The following PTPRD variants were observed in gnomAD, a reference collection of about 807,000 sequenced individuals.
PTPRD encodes protein tyrosine phosphatase receptor type D, also known as receptor-type tyrosine-protein phosphatase delta.
A neutral mutation model predicts 214.5 loss-of-function variants in PTPRD; 34 were observed. The ratio of observed to expected loss-of-function variants is 0.16; its 90% CI spans 0.12 to 0.21. The LOEUF (loss-of-function observed/expected upper bound fraction) is 0.21. Ranked by LOEUF, PTPRD falls within the 10% of genes least tolerant of loss-of-function variation. PTPRD has a pLI of 1.00. For synonymous variants in PTPRD, 1,128 were observed against 845.7 expected, an observed-to-expected ratio of 1.33 and a Z score of -5.79; for missense variants, 2,545 against 2,398.7, an observed-to-expected ratio of 1.06 and a Z score of -1.27.
intron 11 of PTPRD, among the ~76,000 whole-genome samples, chr9:8,865,302 A>T (rs2098177052): frequency 6.6e-6 from 1 of 152,206 alleles, no homozygotes; most frequent in Admixed American, 6.6e-5. Flanking sequence ...CTTGGTGTAC[A>T]TACTCAATGT....
intron 39 of PTPRD, among the ~76,000 whole-genome samples, chr9:8,367,133 C>T (rs571260241): frequency 6.6e-6 from 1 of 152,170 alleles, no homozygotes; most frequent in South Asian, 2.1e-4. Flanking sequence ...AAGTAATGAG[C>T]CTAGTTCTCT....
In PTPRD at chr9:8,314,361, A is replaced by C. The variant is rs1324964141; in HGVS notation, c.*3513T>G. ...CACCAATGTAACGAAGTAAGAAAAT[A>C]AAAAGCACGCCTTTCATTCTGTAAA... On this transcript the variant is annotated 3_prime_UTR_variant, in exon 46 of 46. Coordinates refer to ENST00000381196, the MANE Select transcript of PTPRD (RefSeq NM_002839.4). The C allele has an allele frequency of 8.7e-6, 2 of 228,912 alleles. No homozygotes were observed. The highest frequency in any genetic ancestry group is 1.7e-5 in the Non-Finnish European group (2 of 115,026). The allele number at this position is 228,912 out of a possible 1,614,324, so 14.2% of individuals were successfully genotyped here.
intron 8 of PTPRD, among the ~76,000 whole-genome samples, chr9:9,527,726 T>C (rs2074460079): frequency 6.6e-6 from 1 of 152,200 alleles, no homozygotes; most frequent in African/African-American, 2.4e-5. Context: ...AGTTTATTTA[T>C]CTACCTTCAA....
chr9:9,188,340 T>C (rs963768169), intron 9 of PTPRD, among the ~76,000 whole-genome samples: 1 of 152,072 alleles, frequency 6.6e-6, no homozygotes, highest in African/African-American at 2.4e-5. Flanking sequence ...ATAAACATCC[T>C]TGTAGATATT....
intron 8 of PTPRD, among the ~76,000 whole-genome samples, chr9:9,418,538 T>C (rs1337854066): frequency 1.3e-5 from 2 of 152,052 alleles, no homozygotes; most frequent in African/African-American, 4.8e-5. Context: ...TTGCAACTTT[T>C]GAAAGCGACC....
At chr9:9,082,641 T>C (rs1569534054) in intron 10 of PTPRD, among the ~76,000 whole-genome samples, 1 of 152,084 alleles carries the variant, frequency 6.6e-6, no homozygotes, top group Admixed American at 6.6e-5. Context: ...TGATTGTATA[T>C]TTAGAAAACC....
chr9:8,484,810 G>A (rs2096963559), intron 29 of PTPRD, among the ~76,000 whole-genome samples: 1 of 152,010 alleles, frequency 6.6e-6, no homozygotes, highest in Admixed American at 6.5e-5. Flanking sequence ...TCATAAATAT[G>A]TACTTGCTAA....
At position 8,439,405 on chromosome 9, in the gene PTPRD, A is replaced by G. The variant is rs189542228; in HGVS notation, c.3989-2716T>C. On this transcript the variant is annotated intron_variant, in intron 34 of 45. Coordinates refer to ENST00000381196, the MANE Select transcript of PTPRD (RefSeq NM_002839.4). ...TGAACAGAGAAGGGTCTATTGGTGC[A>G]TATGTAAGGGTTCTAAAAGTTATCG... 1.5e-3 allele frequency among the ~76,000 whole-genome samples: 227 copies of G among 152,334 alleles called. 3 individuals are homozygous for G. Among genetic ancestry groups the G allele is most frequent in the African/African-American group, 5.2e-3 (217 of 41,584 alleles).
chr9:8,669,858 C>A (rs549511343), intron 12 of PTPRD, among the ~76,000 whole-genome samples: 13 of 152,170 alleles, frequency 8.5e-5, no homozygotes, highest in African/African-American at 2.9e-4. Flanking sequence ...AGAGAGTGAG[C>A]AGTACTGTAG....
chr9:8,484,199 C>T lies in PTPRD; in HGVS notation c.3333G>A (p.Lys1111=), dbSNP rs539281399. ...AGTTGGTCTTCCCAATGAAGGCAGGCTTGGTACGTAATACATCTGGTGCAG... is the reference window on the plus strand; with the variant it reads ...AGTTGGTCTTCCCAATGAAGGCAGGTTTGGTACGTAATACATCTGGTGCAG... ...AKTAPDVLRT[K]PAFIGKTNLD... Residue 1111 remains lysine (K), a synonymous_variant, in exon 30 of 46, where the codon AAG becomes AAA. Coordinates refer to ENST00000381196, the MANE Select transcript of PTPRD (RefSeq NM_002839.4). 3.7e-6 allele frequency: 6 copies of T among 1,614,158 alleles called. No individual in the cohort carries two copies. In the African/African-American group the frequency reaches 6.7e-5, roughly 18 times the overall value.
chr9:9,228,797 T>A (rs1263908192), intron 9 of PTPRD, among the ~76,000 whole-genome samples: 1 of 152,160 alleles, frequency 6.6e-6, no homozygotes, highest in Non-Finnish European at 1.5e-5. Flanking sequence ...TCCTTTTCCC[T>A]TGTCTTGCCT....
intron 7 of PTPRD, among the ~76,000 whole-genome samples, chr9:9,645,310 G>A (rs1294226686): frequency 1.3e-5 from 2 of 152,092 alleles, no homozygotes; most frequent in African/African-American, 4.8e-5. Context: ...ATTTCTCAGA[G>A]TTGCTCTAGA....
At chr9:8,996,898 C>G (rs893687598) in intron 11 of PTPRD, among the ~76,000 whole-genome samples, 5 of 151,954 alleles carry the variant, frequency 3.3e-5, no homozygotes, top group Admixed American at 1.3e-4. Context: ...TTTTCTATAT[C>G]TTGATTGTGA....
At chr9:9,342,533 A>G (rs193219837) in intron 9 of PTPRD, among the ~76,000 whole-genome samples, 1 of 152,280 alleles carries the variant, frequency 6.6e-6, no homozygotes. Context: ...ATGATTGGCT[A>G]CATGTGTATG....
rs1006349108 is a variant in PTPRD, at chr9:9,519,041, T to C, written c.-237+55691A>G. Among the ~76,000 whole-genome samples the C allele has an allele frequency of 3.3e-5, 5 of 152,122 alleles. No individual in the cohort carries two copies. The South Asian group carries it at 1.0e-3, about 31-fold the overall frequency. On this transcript the variant is annotated intron_variant, in intron 8 of 45. Coordinates refer to ENST00000381196, the MANE Select transcript of PTPRD (RefSeq NM_002839.4). Reference sequence around the variant, plus strand: ...TATAATTACAGTATGTTAATCTAGATATAAATAGACCAAAAACAATTAATC... The same window carrying C: ...TATAATTACAGTATGTTAATCTAGACATAAATAGACCAAAAACAATTAATC...
At chr9:10,339,495 A>C (rs1334967577) in intron 3 of PTPRD, among the ~76,000 whole-genome samples, 4 of 151,742 alleles carry the variant, frequency 2.6e-5, no homozygotes, top group South Asian at 2.1e-4. Flanking sequence ...TCTTGGAAGA[A>C]ATGAGATTCC....
chr9:10,248,189 G>T (rs903490018), intron 3 of PTPRD, among the ~76,000 whole-genome samples: 3 of 152,032 alleles, frequency 2.0e-5, no homozygotes, highest in Non-Finnish European at 4.4e-5. Context: ...GCGTGGAAAC[G>T]GACTAATACA....
intron 20 of PTPRD, among the ~76,000 whole-genome samples, chr9:8,520,636 G>A (rs1170134069): frequency 6.6e-6 from 1 of 151,978 alleles, no homozygotes; most frequent in African/African-American, 2.4e-5. Context: ...TTACATGCTT[G>A]TACTCTTTCT....
intron 7 of PTPRD, among the ~76,000 whole-genome samples, chr9:9,631,127 G>A (rs573709078): frequency 5.9e-4 from 89 of 151,492 alleles, no homozygotes; most frequent in African/African-American, 2.0e-3. Context: ...CCTCAGTTCT[G>A]CTACTCCTTA....
Sources: gnomAD v4.1 joint callset for allele counts (sites outside exome capture counted in the v4.1 genomes callset) on GRCh38, gnomAD v4.1.1 for gene constraint, MANE v1.5 for transcripts, NCBI Gene and HGNC (gene_info 2026-07-23, HGNC 2026-07-21) for gene names.